TLK2: variants seen among roughly 807,000 people sequenced by gnomAD.
TLK2 encodes the protein tousled like kinase 2, also known as serine/threonine-protein kinase tousled-like 2.
A neutral mutation model predicts 117.3 loss-of-function variants in TLK2; 6 were observed. The ratio of observed to expected loss-of-function variants is 0.05; its 90% confidence interval spans 0.03 to 0.10. The LOEUF (loss-of-function observed/expected upper bound fraction) is 0.10, where lower values mean the gene tolerates loss of function less well. Ranked by LOEUF, TLK2 falls within the 10% of genes least tolerant of loss-of-function variation. The probability of loss-of-function intolerance (pLI) is 1.00; values close to 1 mark genes in which losing one functional copy is unlikely to be tolerated. For missense variants in TLK2, 299 were observed against 901.2 expected (o/e 0.33, Z 8.56); for synonymous variants, 257 against 316.7 (o/e 0.81, Z 2.00).
chr17:62,523,274 G>A (rs2076163818), intron 5 of TLK2, 97 bp downstream of exon 5: 2 of 1,478,792 alleles, frequency 1.4e-6, no homozygotes, highest in Non-Finnish European at 1.8e-6. Context: ...GTGTTCATTT[G>A]AGGCTTTAGA....
chr17:62,604,405 C>CAT lies in TLK2; in HGVS notation c.1860-1710_1860-1709dup, dbSNP rs71155941. The stretch of plus-strand genomic sequence containing the variant: ...TTGTGATGGAATATGCAACTATATA[C>CAT]ATATATATATATATATTTTTAGCAC... On this transcript the variant is annotated intron_variant, in intron 19 of 21. Transcript: ENST00000346027. Among the ~76,000 whole-genome samples, 173 of 151,004 alleles carry CAT rather than the reference C, an allele frequency of 1.1e-3. 1 individual carries two copies. The highest frequency in any genetic ancestry group is 6.9e-3 in the Middle Eastern group (2 of 288).
At chr17:62,527,453 CCT>C (rs1025236424) in intron 6 of TLK2, among the ~76,000 whole-genome samples, 5 of 151,850 alleles carry the variant, frequency 3.3e-5, no homozygotes, top group African/African-American at 1.2e-4. Context: ...CAGAAGTCCC[CCT>C]GAGTTCCCTT....
chr17:62,509,953 A>G (rs2075015002), intron 2 of TLK2, among the ~76,000 whole-genome samples: 1 of 152,266 alleles, frequency 6.6e-6, no homozygotes, highest in East Asian at 1.9e-4. Context: ...CAGCCTCCAG[A>G]ACTGTCAGAA....
At chr17:62,497,141 CCA>C (rs2073781960) in intron 2 of TLK2, among the ~76,000 whole-genome samples, 1 of 151,558 alleles carries the variant, frequency 6.6e-6, no homozygotes, top group Non-Finnish European at 1.5e-5. Flanking sequence ...GCCTATAGTC[CCA>C]TCTGCATCTG....
intron 1 of TLK2, among the ~76,000 whole-genome samples, chr17:62,471,917 T>TTA (rs1555579389): frequency 2.1e-5 from 3 of 140,784 alleles, no homozygotes; most frequent in Non-Finnish European, 4.6e-5. Flanking sequence ...TTTTTTTTTT[T>TTA]AGACAGAGTC....
At chr17:62,536,544 A>G (rs1160294873) in intron 7 of TLK2, among the ~76,000 whole-genome samples, 1 of 152,050 alleles carries the variant, frequency 6.6e-6, no homozygotes, top group African/African-American at 2.4e-5. Context: ...CCTTGGTTCA[A>G]GCTCCTGAGG....
intron 1 of TLK2, among the ~76,000 whole-genome samples, chr17:62,473,404 A>G (rs532851998): frequency 6.6e-6 from 1 of 152,330 alleles, no homozygotes; most frequent in East Asian, 1.9e-4. Flanking sequence ...AGACCCACAC[A>G]CCAATCACTA....
intron 15 of TLK2, among the ~76,000 whole-genome samples, chr17:62,583,384 C>T (rs1043692832): frequency 2.0e-5 from 3 of 152,028 alleles, no homozygotes; most frequent in Non-Finnish European, 2.9e-5. Context: ...CACAAGCCAC[C>T]GCACCCAGCC....
chr17:62,584,580 C>T (rs1457234150), intron 15 of TLK2, among the ~76,000 whole-genome samples: 3 of 151,850 alleles, frequency 2.0e-5, no homozygotes, highest in Non-Finnish European at 1.5e-5. Flanking sequence ...TTTGAGAGGC[C>T]AAGGTGGGAA....
chr17:62,471,487 T>TTA lies in TLK2; in HGVS notation c.-205+409_-205+410insTA, dbSNP rs201878048. On this transcript the variant is annotated intron_variant, in intron 1 of 4. Coordinates refer to the TLK2 transcript ENST00000579450. ...GAGAATTGCAGGGCCTTTCCTTTATTAACTGTCAAGTCCAATCTGGAGGCT... is the reference window on the plus strand; with the variant it reads ...GAGAATTGCAGGGCCTTTCCTTTATTTAAACTGTCAAGTCCAATCTGGAGGCT... Among the ~76,000 whole-genome samples the TTA allele has an allele frequency of 3.7e-3, 571 of 152,314 alleles. 10 individuals carry two copies. The highest frequency in any genetic ancestry group is 0.036 in the Admixed American group (543 of 15,270).
intron 9 of TLK2, among the ~76,000 whole-genome samples, chr17:62,556,598 TTCAG>T: frequency 6.6e-6 from 1 of 152,334 alleles, no homozygotes; most frequent in East Asian, 1.9e-4. Context: ...CTGTTTCTCC[TTCAG>T]TTTTTCAAGC....
At chr17:62,598,580 A>G (rs1252634263) in intron 17 of TLK2, among the ~76,000 whole-genome samples, 1 of 150,932 alleles carries the variant, frequency 6.6e-6, no homozygotes, top group Non-Finnish European at 1.5e-5. Context: ...GCTGGAGTTC[A>G]GTGGTGCGAT....
chr17:62,569,554 A>C (rs1025598656), intron 11 of TLK2, among the ~76,000 whole-genome samples: 1 of 147,288 alleles, frequency 6.8e-6, no homozygotes, highest in East Asian at 2.1e-4. Context: ...TCCTGCCTCA[A>C]CCTCCTGAGT....
intron 16 of TLK2, among the ~76,000 whole-genome samples, chr17:62,589,725 G>A (rs1016606727): frequency 1.3e-5 from 2 of 152,186 alleles, no homozygotes; most frequent in Admixed American, 6.5e-5. Context: ...AAAGGGTAGA[G>A]CGCTATACAT....
At chr17:62,609,609 A>G (rs1049552887) in intron 21 of TLK2, among the ~76,000 whole-genome samples, 7 of 152,218 alleles carry the variant, frequency 4.6e-5, no homozygotes, top group Admixed American at 4.6e-4. Context: ...CAAATCTGCA[A>G]GGGAGAAGTC....
At chr17:62,500,027 C>G (rs8076115) in intron 2 of TLK2, among the ~76,000 whole-genome samples, 1,888 of 151,988 alleles carry the variant, frequency 0.012, 31 homozygotes, top group African/African-American at 0.043. Flanking sequence ...TACTAGCAAA[C>G]CTTTTATTAC....
intron 17 of TLK2, chr17:62,597,386 A>C (rs1265676336): frequency 1.3e-5 from 2 of 152,178 alleles, no homozygotes; most frequent in Non-Finnish European, 2.9e-5. Flanking sequence ...GATATACCAC[A>C]TTTTGCTTAT....
chr17:62,609,123 C>T (rs140888784), intron 21 of TLK2, among the ~76,000 whole-genome samples: 2 of 152,226 alleles, frequency 1.3e-5, no homozygotes, highest in Admixed American at 6.5e-5. Context: ...ACTCTGTCAC[C>T]GTGTCTGGAG....
chr17:62,479,992 T>G (rs2144291174), intron 1 of TLK2, among the ~76,000 whole-genome samples: 1 of 152,388 alleles, frequency 6.6e-6, no homozygotes, highest in South Asian at 2.1e-4. Context: ...TTTCAACCTT[T>G]CTGAGAATTT....
Sources: gnomAD v4.1 joint callset for allele counts (sites outside exome capture counted in the v4.1 genomes callset) on GRCh38, gnomAD v4.1.1 for gene constraint, MANE v1.5 for transcripts, NCBI Gene and HGNC (gene_info 2026-07-23, HGNC 2026-07-21) for gene names.